The following FRAS1 variants were observed in gnomAD, a reference collection of about 807,000 sequenced individuals.
The protein encoded by FRAS1 is extracellular matrix organizing protein FRAS1.
A neutral mutation model predicts 435.2 loss-of-function variants in FRAS1; 290 were observed. The ratio of observed to expected loss-of-function variants is 0.67; its 90% CI spans 0.61 to 0.73. The LOEUF (loss-of-function observed/expected upper bound fraction) is 0.73, where lower values mean the gene tolerates loss of function less well. Among genes scored for constraint, FRAS1 ranks in the 30% least tolerant of loss-of-function variants. The pLI is 0.00. For synonymous variants in FRAS1, 1,800 were observed against 1,851.0 expected, an observed-to-expected ratio of 0.97 and a Z score of 0.71; for missense variants, 4,860 against 5,001.5, an observed-to-expected ratio of 0.97 and a Z score of 0.85.
intron 10 of FRAS1, among the ~76,000 whole-genome samples, chr4:78,281,086 C>G (rs1471841124): frequency 6.6e-6 from 1 of 152,158 alleles, no homozygotes; most frequent in Non-Finnish European, 1.5e-5. Flanking sequence ...GCTCTGGCAC[C>G]ATGCAAAATT....
intron 14 of FRAS1, 62 bp from the exon 15 acceptor site, chr4:78,308,004 G>GA (rs1462052315): frequency 1.3e-6 from 2 of 1,495,730 alleles, no homozygotes; most frequent in African/African-American, 2.8e-5. Context: ...ATATTTAAAA[G>GA]AAAAATGATG....
chr4:78,446,515 A>G, intron 42 of FRAS1: 2 of 1,347,998 alleles, frequency 1.5e-6, no homozygotes, highest in Non-Finnish European at 1.9e-6. Flanking sequence ...CTTTTATGAA[A>G]TGTCCATCAG....
intron 23 of FRAS1, among the ~76,000 whole-genome samples, chr4:78,371,574 C>T (rs1234535021): frequency 6.6e-6 from 1 of 152,182 alleles, no homozygotes; most frequent in Admixed American, 6.5e-5. Context: ...GTACTATTCT[C>T]ACCCATGTTT....
chr4:78,079,816 A>G (rs1740815398), intron 2 of FRAS1, among the ~76,000 whole-genome samples: 1 of 152,142 alleles, frequency 6.6e-6, no homozygotes, highest in East Asian at 1.9e-4. Context: ...TCACACCCTC[A>G]ATGGGGAAGA....
rs952302172 is a variant in FRAS1 at position 78,057,535 on chromosome 4, G to T, written c.-475G>T. 1 of 156,824 alleles carries T rather than the reference G, an allele frequency of 6.4e-6. No homozygotes were observed. Among genetic ancestry groups the T allele is most frequent in the Admixed American group, 6.4e-5 (1 of 15,714 alleles). The allele number at this position is 156,824 out of a possible 1,614,324, so 9.7% of individuals were successfully genotyped here. A position where few individuals can be genotyped will look rare whatever the true frequency, so the allele number is the denominator to read the frequency against. On this transcript the variant is annotated 5_prime_UTR_variant, in exon 1 of 74. Transcript: ENST00000512123. This position sits in a 1 kb window ranked among gnomAD's most constrained non-coding sequence, Gnocchi z 4.2. ...TCTTTCGGGGCTCCCGGCGACCCGC[G>T]GTGCCGACGCAACGCCGACGTATGG...
chr4:78,123,558 T>C (rs114818804), intron 2 of FRAS1, among the ~76,000 whole-genome samples: 1,973 of 152,300 alleles, frequency 0.013, 17 homozygotes, highest in Non-Finnish European at 0.018. Flanking sequence ...ATACATAAAT[T>C]ATTTTGGGCA....
chr4:78,480,339 T>A (rs1199978649), intron 56 of FRAS1, among the ~76,000 whole-genome samples: 1 of 152,094 alleles, frequency 6.6e-6, no homozygotes, highest in Admixed American at 6.6e-5. Flanking sequence ...AAAGACAAAC[T>A]TCACATGTTC....
chr4:78,102,346 C>G (rs945586718), intron 2 of FRAS1, among the ~76,000 whole-genome samples: 1 of 152,174 alleles, frequency 6.6e-6, no homozygotes, highest in Non-Finnish European at 1.5e-5. Context: ...CAGAATCTGT[C>G]AGACAGGTTG....
intron 2 of FRAS1, among the ~76,000 whole-genome samples, chr4:78,094,195 A>G (rs1741677914): frequency 6.6e-6 from 1 of 150,920 alleles, no homozygotes; most frequent in South Asian, 2.1e-4. Flanking sequence ...TATATTTTCA[A>G]AGAACTCTAG....
intron 2 of FRAS1, among the ~76,000 whole-genome samples, chr4:78,169,358 C>T (rs540190940): frequency 2.6e-5 from 4 of 152,086 alleles, no homozygotes; most frequent in South Asian, 4.2e-4. Context: ...CATGGGCTGG[C>T]GCAGGGGATG....
chr4:78,143,930 G>C (rs1720306487), intron 2 of FRAS1, among the ~76,000 whole-genome samples: 1 of 147,250 alleles, frequency 6.8e-6, no homozygotes, highest in Non-Finnish European at 1.5e-5. Context: ...AAAAGTTGAA[G>C]TCTAGGAAGT....
intron 30 of FRAS1, among the ~76,000 whole-genome samples, chr4:78,406,448 A>G (rs763954495): frequency 2.6e-5 from 4 of 152,190 alleles, no homozygotes; most frequent in East Asian, 1.9e-4. Flanking sequence ...CACTTCTTAC[A>G]TGGCAGCAGC....
chr4:78,130,237 A>G (rs540949831), intron 2 of FRAS1, among the ~76,000 whole-genome samples: 1 of 152,190 alleles, frequency 6.6e-6, no homozygotes, highest in African/African-American at 2.4e-5. Flanking sequence ...GTGATTTTTT[A>G]AAAATTATGT....
At chr4:78,404,335 A>G (rs1733019043) in intron 30 of FRAS1, among the ~76,000 whole-genome samples, 1 of 151,938 alleles carries the variant, frequency 6.6e-6, no homozygotes, top group South Asian at 2.1e-4. Flanking sequence ...CTGTTTTTTA[A>G]ACTTGGGTTT....
intron 2 of FRAS1, among the ~76,000 whole-genome samples, chr4:78,218,050 T>C (rs1343509715): frequency 2.8e-5 from 1 of 35,904 alleles, no homozygotes; most frequent in African/African-American, 1.3e-4. Flanking sequence ...CCTCCTCTCC[T>C]CTCTTCTCTT....
chr4:78,487,371 T>C (rs577577903), intron 58 of FRAS1, among the ~76,000 whole-genome samples: 1 of 152,342 alleles, frequency 6.6e-6, no homozygotes, highest in African/African-American at 2.4e-5. Flanking sequence ...ACTTGGAGAA[T>C]GCTTGGGTGC....
intron 2 of FRAS1, among the ~76,000 whole-genome samples, chr4:78,141,136 G>A (rs560525046): frequency 6.6e-6 from 1 of 152,062 alleles, no homozygotes; most frequent in Non-Finnish European, 1.5e-5. Context: ...ATGGTGGTTT[G>A]CTGCACCCAT....
At chr4:78,303,423 C>CA (rs2110211222) in intron 14 of FRAS1, among the ~76,000 whole-genome samples, 1 of 152,220 alleles carries the variant, frequency 6.6e-6, no homozygotes, top group African/African-American at 2.4e-5. Context: ...ATGGGGATGG[C>CA]ATTGAATCTG....
At chr4:78,382,417 T>A (rs1347560119) in intron 27 of FRAS1, among the ~76,000 whole-genome samples, 1 of 150,434 alleles carries the variant, frequency 6.6e-6, no homozygotes, top group African/African-American at 2.5e-5. Flanking sequence ...GTACTTTCAA[T>A]CAAATAACAG....
Sources: gnomAD v4.1 joint callset for allele counts (sites outside exome capture counted in the v4.1 genomes callset) on GRCh38, gnomAD v4.1.1 for gene constraint, Gnocchi (gnomAD v3.1) non-coding constraint, MANE v1.5 for transcripts, NCBI Gene and HGNC (gene_info 2026-07-23, HGNC 2026-07-21) for gene names.